Variants in IPCEF1 observed in about 807,000 individuals in gnomAD.
IPCEF1 encodes the protein interactor protein for cytohesin exchange factors 1.
A neutral mutation model predicts 50.9 loss-of-function variants in IPCEF1; 31 were observed. The observed-to-expected ratio is 0.61, with a 90% CI of 0.46 to 0.82. The LOEUF is 0.82. Ranked by LOEUF, IPCEF1 falls within the 40% of genes least tolerant of loss-of-function variation. The pLI is 0.00. For synonymous variants in IPCEF1, 181 were observed against 192.0 expected, an observed-to-expected ratio of 0.94 and a Z score of 0.47; for missense variants, 458 against 514.0, an observed-to-expected ratio of 0.89 and a Z score of 1.05.
At chr6:154,306,017 C>G (rs548333008) in intron 1 of IPCEF1, among the ~76,000 whole-genome samples, 13 of 152,298 alleles carry the variant, frequency 8.5e-5, no homozygotes, top group East Asian at 7.7e-4. Flanking sequence ...TGGGACTTCA[C>G]CTTGCGATCG....
intron 1 of IPCEF1, among the ~76,000 whole-genome samples, chr6:154,304,366 T>C (rs991478861): frequency 6.6e-6 from 1 of 152,230 alleles, no homozygotes; most frequent in African/African-American, 2.4e-5. Context: ...ACTTTATTCA[T>C]GTTGAGAATA....
chr6:154,222,579 G>C (rs1044123314), intron 6 of IPCEF1, among the ~76,000 whole-genome samples: 1 of 152,180 alleles, frequency 6.6e-6, no homozygotes. Context: ...CAGCCAGCCC[G>C]CTCATGAGAT....
intron 7 of IPCEF1, among the ~76,000 whole-genome samples, chr6:154,219,452 C>T (rs917557364): frequency 1.3e-5 from 2 of 152,134 alleles, no homozygotes; most frequent in Non-Finnish European, 2.9e-5. Context: ...AGGGGAGAGG[C>T]GGGCAGCACT....
intron 2 of IPCEF1, among the ~76,000 whole-genome samples, chr6:154,267,053 A>G (rs1399480108): frequency 6.6e-6 from 1 of 152,144 alleles, no homozygotes; most frequent in African/African-American, 2.4e-5. Flanking sequence ...TTACATAGAT[A>G]TTAATAAGAC....
At chr6:154,291,590 A>G (rs1782513363) in intron 1 of IPCEF1, among the ~76,000 whole-genome samples, 1 of 152,128 alleles carries the variant, frequency 6.6e-6, no homozygotes, top group African/African-American at 2.4e-5. Context: ...TTGTAGACAT[A>G]AAGATGGTTC....
intron 1 of IPCEF1, among the ~76,000 whole-genome samples, chr6:154,339,578 T>G (rs1043602556): frequency 1.0e-4 from 14 of 136,282 alleles, no homozygotes; most frequent in African/African-American, 4.0e-4. Flanking sequence ...TGGCGTTTTT[T>G]GTTTGTTTGT....
intron 1 of IPCEF1, among the ~76,000 whole-genome samples, chr6:154,304,687 T>C (rs903513460): frequency 1.3e-5 from 2 of 152,196 alleles, no homozygotes; most frequent in Admixed American, 6.5e-5. Context: ...CAGTTACCTA[T>C]TGAAGGCTCT....
chr6:154,222,279 C>T (rs1003549997), intron 6 of IPCEF1, among the ~76,000 whole-genome samples: 4 of 152,224 alleles, frequency 2.6e-5, no homozygotes, highest in African/African-American at 9.7e-5. Flanking sequence ...TTGTAAATAG[C>T]CAATCCTTTT....
chr6:154,160,489 A>C (rs1285023024), intron 11 of IPCEF1, among the ~76,000 whole-genome samples: 3 of 152,230 alleles, frequency 2.0e-5, no homozygotes, highest in Non-Finnish European at 4.4e-5. Flanking sequence ...GATTTTATTA[A>C]ATTATCTTTA....
At chr6:154,175,047 C>T (rs1023643860) in intron 10 of IPCEF1, among the ~76,000 whole-genome samples, 18 of 152,206 alleles carry the variant, frequency 1.2e-4, no homozygotes, top group Admixed American at 1.2e-3. Flanking sequence ...TACATGGAAA[C>T]TGAACAACCT....
At chr6:154,240,535 G>C (rs1780496619) in intron 5 of IPCEF1, among the ~76,000 whole-genome samples, 1 of 151,096 alleles carries the variant, frequency 6.6e-6, no homozygotes, top group Non-Finnish European at 1.5e-5. Flanking sequence ...AAAAAAAAAG[G>C]TACTCTATAT....
At chr6:154,253,957 C>A in intron 3 of IPCEF1, among the ~76,000 whole-genome samples, 1 of 151,720 alleles carries the variant, frequency 6.6e-6, no homozygotes, top group East Asian at 1.9e-4. Flanking sequence ...ATATTCTTTG[C>A]TTTTATTATA....
intron 1 of IPCEF1, among the ~76,000 whole-genome samples, chr6:154,317,768 G>GA (rs1230442199): frequency 6.6e-6 from 1 of 150,864 alleles, no homozygotes; most frequent in East Asian, 1.9e-4. Flanking sequence ...GCTACAACCG[G>GA]TTTTTTTTTA....
At chr6:154,197,985 G>A (rs999398716) in intron 10 of IPCEF1, among the ~76,000 whole-genome samples, 1 of 152,088 alleles carries the variant, frequency 6.6e-6, no homozygotes, top group Admixed American at 6.6e-5. Context: ...CAAGATAGAG[G>A]TCATCTAGTT....
chr6:154,252,167 G>T (rs541158870), intron 3 of IPCEF1, among the ~76,000 whole-genome samples: 2 of 152,276 alleles, frequency 1.3e-5, no homozygotes, highest in East Asian at 3.9e-4. Context: ...ATCACCCAGA[G>T]AATGTATAGA....
chr6:154,273,457 G>C (rs777489469), intron 2 of IPCEF1, among the ~76,000 whole-genome samples: 5 of 152,172 alleles, frequency 3.3e-5, no homozygotes, highest in Non-Finnish European at 7.3e-5. Context: ...GAAAACAGAA[G>C]AGAACATTCA....
chr6:154,298,837 C>T lies in IPCEF1; in HGVS notation c.-61-9081G>A, dbSNP rs368365279. Among the ~76,000 whole-genome samples the T allele has an allele frequency of 8.5e-5, 13 of 152,058 alleles. No homozygotes were observed. The East Asian group carries it at 1.4e-3, about 16-fold the overall frequency. On this transcript the variant is annotated intron_variant, in intron 1 of 11. Transcript: ENST00000367220. ...ATTAGCCAGGCATGGTGGCGCATGC[C>T]TGTAATCCCAAGTACTTGGGAAGCT...
intron 7 of IPCEF1, chr6:154,216,898 C>T (rs1778442479): frequency 6.4e-6 from 1 of 155,906 alleles, no homozygotes. Flanking sequence ...GTAACCTCTT[C>T]TTCCCCTAAG....
At chr6:154,197,987 C>T (rs1282410387) in intron 10 of IPCEF1, among the ~76,000 whole-genome samples, 1 of 152,114 alleles carries the variant, frequency 6.6e-6, no homozygotes, top group African/African-American at 2.4e-5. Flanking sequence ...AGATAGAGGT[C>T]ATCTAGTTCA....
Sources: allele counts gnomAD v4.1 joint callset (sites outside exome capture counted in the v4.1 genomes callset), GRCh38; gene constraint gnomAD v4.1.1; transcripts MANE v1.5; gene names NCBI Gene and HGNC (gene_info 2026-07-23, HGNC 2026-07-21).